MNAT1: variants seen among roughly 807,000 people sequenced by gnomAD.
MNAT1 encodes CDK-activating kinase assembly factor MAT1.
MNAT1 carries 43 observed loss-of-function variants against 42.0 expected under a neutral mutation model. The ratio of observed to expected loss-of-function variants is 1.02; its 90% CI spans 0.80 to 1.32. The LOEUF (loss-of-function observed/expected upper bound fraction) is 1.32. MNAT1 is among the 40% of genes most tolerant of loss of function. MNAT1 has a pLI of 0.00. For missense variants in MNAT1, 306 were observed against 350.4 expected, an observed-to-expected ratio of 0.87 and a Z score of 1.01; for synonymous variants, 118 against 120.0, an observed-to-expected ratio of 0.98 and a Z score of 0.11.
rs4151363 is a variant in MNAT1, at chr14:60,932,172, T to C, written c.810-36057T>C. ...TAGAGTTCTGTTATCTTTTTTCTTA[T>C]GTAAGTTTAGTCTAAAATAAGACTG... On this transcript the variant is annotated intron_variant, in intron 7 of 7. Coordinates refer to ENST00000261245, the MANE Select transcript of MNAT1 (RefSeq NM_002431.4). 1.1e-3 allele frequency among the ~76,000 whole-genome samples: 166 copies of C among 152,182 alleles called. No homozygotes were observed. The East Asian group carries it at 0.022, about 21-fold the overall frequency.
intron 1 of MNAT1, among the ~76,000 whole-genome samples, chr14:60,764,441 C>T (rs569653012): frequency 2.7e-5 from 4 of 150,292 alleles, no homozygotes; most frequent in African/African-American, 9.8e-5. Context: ...TGTCTTAAAG[C>T]TTATCACAAA....
intron 3 of MNAT1, chr14:60,799,351 A>G: frequency 1.0e-6 from 1 of 985,410 alleles, no homozygotes; most frequent in African/African-American, 1.7e-5. Flanking sequence ...ACTGAGAAGA[A>G]AAACCAGAAA....
At chr14:60,777,703 C>T (rs963749050) in intron 1 of MNAT1, among the ~76,000 whole-genome samples, 1 of 152,040 alleles carries the variant, frequency 6.6e-6, no homozygotes, top group African/African-American at 2.4e-5. Context: ...GTTATCTCTA[C>T]ACTGATACCT....
At chr14:60,843,792 A>G (rs142530472) in intron 6 of MNAT1, among the ~76,000 whole-genome samples, 14 of 152,310 alleles carry the variant, frequency 9.2e-5, no homozygotes, top group African/African-American at 3.1e-4. Context: ...GAAGTTATAA[A>G]TTTTGATGAA....
At chr14:60,801,975 C>T (rs1310117984) in intron 3 of MNAT1, among the ~76,000 whole-genome samples, 6 of 152,116 alleles carry the variant, frequency 3.9e-5, no homozygotes, top group East Asian at 3.9e-4. Flanking sequence ...TATGCAACAA[C>T]GTGGATCAAC....
At chr14:60,808,583 A>C in intron 4 of MNAT1, 155 bp downstream of exon 4, 2 of 481,750 alleles carry the variant, frequency 4.2e-6, no homozygotes, top group Non-Finnish European at 7.4e-6. Context: ...ATAGGTATGT[A>C]GGTAGGCAGG....
intron 1 of MNAT1, among the ~76,000 whole-genome samples, chr14:60,742,508 TA>T (rs1896504157): frequency 6.6e-6 from 1 of 152,208 alleles, no homozygotes; most frequent in African/African-American, 2.4e-5. Flanking sequence ...GGTATGTTTT[TA>T]AAAAACTACT....
chr14:60,742,441 T>A (rs1896500952), intron 1 of MNAT1, among the ~76,000 whole-genome samples: 1 of 152,212 alleles, frequency 6.6e-6, no homozygotes, highest in Non-Finnish European at 1.5e-5. Context: ...TATCTTTTAT[T>A]TGTATTTGTG....
At chr14:60,737,510 A>T (rs1172390114) in intron 1 of MNAT1, among the ~76,000 whole-genome samples, 1 of 152,120 alleles carries the variant, frequency 6.6e-6, no homozygotes, top group East Asian at 1.9e-4. Flanking sequence ...CATTGTTCAA[A>T]TATAATTTAT....
chr14:60,874,934 G>T (rs2034405684), intron 6 of MNAT1, among the ~76,000 whole-genome samples: 1 of 152,012 alleles, frequency 6.6e-6, no homozygotes, highest in Non-Finnish European at 1.5e-5. Flanking sequence ...GTAAGTCATT[G>T]TTCTCTAAGT....
At chr14:60,949,310 A>G (rs1272051779) in intron 7 of MNAT1, among the ~76,000 whole-genome samples, 1 of 152,054 alleles carries the variant, frequency 6.6e-6, no homozygotes, top group Non-Finnish European at 1.5e-5. Flanking sequence ...GAACCTAAGG[A>G]TGACAGGTGG....
At chr14:60,903,899 G>A (rs2035133760) in intron 7 of MNAT1, among the ~76,000 whole-genome samples, 1 of 123,346 alleles carries the variant, frequency 8.1e-6, no homozygotes. Flanking sequence ...TTTTGATGGA[G>A]TTTCTCTCTG....
intron 1 of MNAT1, among the ~76,000 whole-genome samples, chr14:60,764,252 A>G (rs968222303): frequency 1.3e-5 from 2 of 152,206 alleles, no homozygotes; most frequent in African/African-American, 4.8e-5. Flanking sequence ...ATAATGTTGA[A>G]GCTCAAAAAT....
chr14:60,813,748 A>T (rs927735684), intron 5 of MNAT1, among the ~76,000 whole-genome samples: 4 of 152,274 alleles, frequency 2.6e-5, no homozygotes, highest in Admixed American at 1.3e-4. Context: ...TAGTGATAAG[A>T]ATTATGAAAA....
intron 1 of MNAT1, among the ~76,000 whole-genome samples, chr14:60,760,112 A>T (rs2140299137): frequency 6.6e-6 from 1 of 152,342 alleles, no homozygotes; most frequent in Non-Finnish European, 1.5e-5. Context: ...CCAAGTGGAC[A>T]ATATAAACTT....
At chr14:60,847,645 A>G (rs2033714676) in intron 6 of MNAT1, among the ~76,000 whole-genome samples, 1 of 151,638 alleles carries the variant, frequency 6.6e-6, no homozygotes, top group South Asian at 2.1e-4. Context: ...TCTCTTCCTC[A>G]TTTATTGCTC....
At chr14:60,743,161 A>G (rs932070735) in intron 1 of MNAT1, among the ~76,000 whole-genome samples, 42 of 152,174 alleles carry the variant, frequency 2.8e-4, no homozygotes, top group Non-Finnish European at 4.1e-4. Context: ...TAGCCATTCT[A>G]GTGGGTATGA....
At chr14:60,956,085 A>T (rs2036483047) in intron 7 of MNAT1, among the ~76,000 whole-genome samples, 1 of 152,048 alleles carries the variant, frequency 6.6e-6, no homozygotes, top group Admixed American at 6.5e-5. Flanking sequence ...TTTAAAGTGT[A>T]ATATCAGGTT....
At chr14:60,951,062 C>T (rs918100601) in intron 7 of MNAT1, among the ~76,000 whole-genome samples, 1 of 152,016 alleles carries the variant, frequency 6.6e-6, no homozygotes, top group Non-Finnish European at 1.5e-5. Context: ...TCTATCTGGA[C>T]AATCCAGAAG....
Sources: gnomAD v4.1 joint callset for allele counts (sites outside exome capture counted in the v4.1 genomes callset) on GRCh38, gnomAD v4.1.1 for gene constraint, MANE v1.5 for transcripts, NCBI Gene and HGNC (gene_info 2026-07-23, HGNC 2026-07-21) for gene names.